The following KDM6A variants were observed in gnomAD, a reference collection of about 807,000 sequenced individuals.
The protein encoded by KDM6A is lysine demethylase 6A.
In KDM6A, 11 loss-of-function variants were observed where a neutral mutation model predicts 117.6. The ratio of observed to expected loss-of-function variants is 0.09; its 90% CI spans 0.06 to 0.15. The LOEUF (loss-of-function observed/expected upper bound fraction) is 0.15. Ranked by LOEUF, KDM6A falls within the 10% of genes least tolerant of loss-of-function variation. The probability of loss-of-function intolerance (pLI) is 1.00; values close to 1 mark genes in which losing one functional copy is unlikely to be tolerated. For synonymous variants in KDM6A, 384 were observed against 396.1 expected, an observed-to-expected ratio of 0.97 and a Z score of 0.36; for missense variants, 799 against 1,077.3, an observed-to-expected ratio of 0.74 and a Z score of 3.62.
chrX:45,016,451 TTTTA>T (rs753985732), intron 5 of KDM6A, among the ~76,000 whole-genome samples: 2,083 of 90,438 alleles, frequency 0.023, 57 homozygotes, highest in African/African-American at 0.078. Flanking sequence ...ATTGATTTTA[TTTTA>T]TGTATGTATG....
chrX:45,107,180 C>T (rs1458544674), intron 27 of KDM6A: 2 of 353,405 alleles, frequency 5.7e-6, no homozygotes, highest in East Asian at 1.0e-4. Flanking sequence ...ATTTTGATAT[C>T]CAGATATTAC....
chrX:44,942,790 G>A (rs1016213181), intron 2 of KDM6A, among the ~76,000 whole-genome samples: 1 of 110,152 alleles, frequency 9.1e-6, no homozygotes, highest in South Asian at 3.8e-4. Flanking sequence ...GGGGGTTGGG[G>A]CAGGTGTTAC....
intron 2 of KDM6A, among the ~76,000 whole-genome samples, chrX:44,911,774 C>T (rs991825469): frequency 5.4e-5 from 6 of 112,095 alleles, no homozygotes; most frequent in East Asian, 2.8e-4. Flanking sequence ...TCTGCAATAC[C>T]GGCACCTCGG....
At chrX:44,893,033 ATGT>A (rs1311321073) in intron 2 of KDM6A, among the ~76,000 whole-genome samples, 1 of 101,558 alleles carries the variant, frequency 9.8e-6, no homozygotes, top group African/African-American at 3.6e-5. Context: ...AAATAGCCAG[ATGT>A]TGTGGTACAC....
chrX:45,002,126 A>G (rs751382981), intron 4 of KDM6A, among the ~76,000 whole-genome samples: 2 of 110,737 alleles, frequency 1.8e-5, no homozygotes, highest in South Asian at 3.8e-4. Context: ...CTTAGCACCT[A>G]TTTTTGTTAG....
chrX:44,960,375 A>G (rs2038598713), intron 2 of KDM6A, among the ~76,000 whole-genome samples: 1 of 111,803 alleles, frequency 8.9e-6, no homozygotes, highest in Admixed American at 9.5e-5. Flanking sequence ...GAACCTTGAG[A>G]GAATTAGAGC....
intron 2 of KDM6A, among the ~76,000 whole-genome samples, chrX:44,906,684 T>C (rs984367605): frequency 1.0e-4 from 11 of 109,840 alleles, no homozygotes; most frequent in Admixed American, 6.8e-4. Context: ...TGTGTGTATA[T>C]AGAGAGAGAG....
intron 27 of KDM6A, among the ~76,000 whole-genome samples, chrX:45,091,811 A>G (rs913685332): frequency 8.9e-6 from 1 of 111,884 alleles, no homozygotes; most frequent in Non-Finnish European, 1.9e-5. Context: ...TCTCCTGCAG[A>G]TATATTAATT....
At chrX:44,910,736 C>G (rs945505995) in intron 2 of KDM6A, among the ~76,000 whole-genome samples, 1 of 110,255 alleles carries the variant, frequency 9.1e-6, no homozygotes, top group Non-Finnish European at 1.9e-5. Flanking sequence ...ATCTGTTTAA[C>G]AAAGCACATC....
chrX:44,874,549 A>AGG (rs751165423), intron 2 of KDM6A, among the ~76,000 whole-genome samples: 9 of 111,498 alleles, frequency 8.1e-5, no homozygotes, highest in Non-Finnish European at 1.3e-4. Context: ...ACCTGAAGTT[A>AGG]GGTGACTTGT....
intron 10 of KDM6A, among the ~76,000 whole-genome samples, chrX:45,057,047 A>G (rs1363917615): frequency 9.0e-6 from 1 of 111,264 alleles, no homozygotes; most frequent in Non-Finnish European, 1.9e-5. Context: ...TCAATCACGG[A>G]CATTTCTTAC....
At chrX:45,023,603 T>A (rs1284472082) in intron 6 of KDM6A, among the ~76,000 whole-genome samples, 1 of 111,916 alleles carries the variant, frequency 8.9e-6, no homozygotes, top group Non-Finnish European at 1.9e-5. Flanking sequence ...CCCACATGAT[T>A]GATATAAAGG....
chrX:44,894,118 A>G (rs1474290440), intron 2 of KDM6A, among the ~76,000 whole-genome samples: 2 of 111,646 alleles, frequency 1.8e-5, no homozygotes, highest in Non-Finnish European at 3.8e-5. Flanking sequence ...ATAGAGTATG[A>G]GTATGCTAGT....
chrX:45,040,035 C>T (rs1422346179), intron 8 of KDM6A, among the ~76,000 whole-genome samples: 2 of 55,931 alleles, frequency 3.6e-5, no homozygotes, highest in African/African-American at 1.4e-4. Flanking sequence ...GCACACCTCC[C>T]AGACGGGGTC....
At chrX:45,005,976 C>CA (rs2041442612) in intron 4 of KDM6A, among the ~76,000 whole-genome samples, 1 of 60,472 alleles carries the variant, frequency 1.7e-5, no homozygotes, top group Non-Finnish European at 3.0e-5. Context: ...CCCACCCCCC[C>CA]CACCCCCCAC....
At chrX:45,099,454 G>A (rs949354506) in intron 27 of KDM6A, among the ~76,000 whole-genome samples, 1 of 110,446 alleles carries the variant, frequency 9.1e-6, no homozygotes, top group African/African-American at 3.3e-5. Flanking sequence ...GTTGTGCAGA[G>A]TTCTACATTC....
intron 17 of KDM6A, among the ~76,000 whole-genome samples, chrX:45,065,103 T>A (rs1247131446): frequency 1.8e-5 from 2 of 112,142 alleles, no homozygotes; most frequent in Non-Finnish European, 3.8e-5. Flanking sequence ...GAGTTGCAGT[T>A]ATAAATCAGA....
At chrX:44,968,603 T>C (rs1471940503) in intron 3 of KDM6A, among the ~76,000 whole-genome samples, 1 of 112,345 alleles carries the variant, frequency 8.9e-6, no homozygotes, top group Non-Finnish European at 1.9e-5. Context: ...TAATAGAAAA[T>C]AAGTGTAAAT....
chrX:45,047,981 G>A (rs1048500551), intron 8 of KDM6A, among the ~76,000 whole-genome samples: 6 of 108,498 alleles, frequency 5.5e-5, no homozygotes, highest in East Asian at 2.9e-4. Context: ...CCAAAATGGC[G>A]AGACCCCCAT....
Sources: allele counts gnomAD v4.1 joint callset (sites outside exome capture counted in the v4.1 genomes callset), GRCh38; gene constraint gnomAD v4.1.1; transcripts MANE v1.5; gene names NCBI Gene and HGNC (gene_info 2026-07-23, HGNC 2026-07-21).